The following PPP2R5C variants were observed in gnomAD, a reference collection of about 807,000 sequenced individuals.
PPP2R5C encodes the protein serine/threonine-protein phosphatase 2A 56 kDa regulatory subunit gamma isoform.
In PPP2R5C, 7 loss-of-function variants were observed where a neutral mutation model predicts 68.9. That is an observed-to-expected ratio of 0.10 (90% CI 0.06 to 0.19). The LOEUF (loss-of-function observed/expected upper bound fraction) is 0.19. PPP2R5C is among the 10% of genes least tolerant of loss of function. PPP2R5C has a pLI of 1.00. For missense variants in PPP2R5C, 348 were observed against 641.3 expected, an observed-to-expected ratio of 0.54 and a Z score of 4.94; for synonymous variants, 210 against 222.2, an observed-to-expected ratio of 0.95 and a Z score of 0.49.
chr14:101,925,092 TTTC>T (rs2047224493), intron 13 of PPP2R5C, 46 bp from the exon 16 acceptor site: 1 of 1,598,782 alleles, frequency 6.3e-7, no homozygotes, highest in Non-Finnish European at 8.6e-7. Flanking sequence ...TAAGCTTGCT[TTTC>T]AGATAGCTTA....
intron 2 of PPP2R5C, among the ~76,000 whole-genome samples, chr14:101,772,152 C>T (rs1352990559): frequency 1.3e-5 from 2 of 151,892 alleles, no homozygotes; most frequent in Admixed American, 1.3e-4. Context: ...TATTTTGTTA[C>T]CTATCAATCT....
chr14:101,880,748 G>A (rs767828840), intron 2 of PPP2R5C, among the ~76,000 whole-genome samples: 4 of 152,254 alleles, frequency 2.6e-5, no homozygotes, highest in Middle Eastern at 3.4e-3. Flanking sequence ...AGTGAGCGAT[G>A]ATGGCCACTG....
chr14:101,795,087 CGTTTATTATTTCATTCTGTGGATA>C (rs1388595348), intron 3 of PPP2R5C, among the ~76,000 whole-genome samples: 1 of 152,106 alleles, frequency 6.6e-6, no homozygotes, highest in African/African-American at 2.4e-5. Context: ...TTTTAGCAAC[CGTTTATTATTTCATTCTGTGGATA>C]CCCCAGTTTT....
chr14:101,846,715 T>C (rs1451532584), intron 1 of PPP2R5C, among the ~76,000 whole-genome samples: 3 of 152,140 alleles, frequency 2.0e-5, no homozygotes, highest in Non-Finnish European at 4.4e-5. Context: ...AGAGCTTGTG[T>C]GTCGGGTTTG....
intron 2 of PPP2R5C, among the ~76,000 whole-genome samples, chr14:101,876,789 A>G (rs1595445144): frequency 6.6e-6 from 1 of 152,162 alleles, no homozygotes; most frequent in African/African-American, 2.4e-5. Context: ...CATTATTTTC[A>G]TGTGGAGGTC....
rs115355632 is a variant in PPP2R5C at position 101,824,005 on chromosome 14, T to C, written c.94+13969T>C. On this transcript the variant is annotated intron_variant, in intron 1 of 13. Transcript: ENST00000334743. The stretch of plus-strand genomic sequence containing the variant: ...ATTAACTTATCTGAGCCTTACATTG[T>C]CTCACTAGGCACAGTGCCCACTTGT... 1.9e-3 allele frequency: 2,486 copies of C among 1,289,176 alleles called. 42 individuals are homozygous for C. The African/African-American group carries it at 0.034, about 18-fold the overall frequency. The allele number at this position is 1,289,176 out of a possible 1,614,324, so 79.9% of individuals were successfully genotyped here.
At chr14:101,810,108 TAAG>T in intron 1 of PPP2R5C, 1 of 1,397,390 alleles carries the variant, frequency 7.2e-7, no homozygotes, top group Non-Finnish European at 1.0e-6. Flanking sequence ...GTGCTTCAGA[TAAG>T]AAAAGCAGGA....
intron 2 of PPP2R5C, among the ~76,000 whole-genome samples, chr14:101,862,914 G>T (rs1437606877): frequency 6.6e-6 from 1 of 151,138 alleles, no homozygotes; most frequent in African/African-American, 2.4e-5. Flanking sequence ...CAAACTCCTG[G>T]GCTCAAGCAA....
intron 8 of PPP2R5C, among the ~76,000 whole-genome samples, chr14:101,896,504 C>T (rs867484625): frequency 4.6e-5 from 7 of 151,562 alleles, no homozygotes; most frequent in African/African-American, 1.7e-4. Context: ...GAGGCTGAGG[C>T]GGGTGAATCA....
At chr14:101,860,251 C>T (rs1362982722) in intron 2 of PPP2R5C, among the ~76,000 whole-genome samples, 1 of 152,162 alleles carries the variant, frequency 6.6e-6, no homozygotes, top group Non-Finnish European at 1.5e-5. Flanking sequence ...CTGTTCATCT[C>T]TATGGATTTG....
chr14:101,838,779 C>T lies in PPP2R5C; in HGVS notation c.95-17907C>T, dbSNP rs568500218. Among the ~76,000 whole-genome samples, 16 of 152,350 alleles carry T rather than the reference C, an allele frequency of 1.1e-4. No individual in the cohort carries two copies. The South Asian group carries it at 1.5e-3, about 14-fold the overall frequency. On this transcript the variant is annotated intron_variant, in intron 1 of 13. Coordinates refer to ENST00000334743, the Ensembl canonical transcript of PPP2R5C. ...ACTATTTTGGCTGGGCATGGTGGCT[C>T]ATGCCTGTAATCCCAGCACTCTGGG...
chr14:101,810,541 T>C (rs2140188219), intron 1 of PPP2R5C, among the ~76,000 whole-genome samples: 1 of 152,352 alleles, frequency 6.6e-6, no homozygotes, highest in African/African-American at 2.4e-5. Context: ...AAAGGATTGT[T>C]TTCATTCTTG....
intron 2 of PPP2R5C, among the ~76,000 whole-genome samples, chr14:101,779,683 G>A (rs542427347): frequency 2.7e-4 from 41 of 152,200 alleles, no homozygotes; most frequent in African/African-American, 7.9e-4. Context: ...CCCATGCTAC[G>A]GAGTTTGAAC....
chr14:101,923,165 T>G lies in PPP2R5C; in HGVS notation c.1444-1976T>G, dbSNP rs1320360016. ...CTCCCTGCCTGCTGCTGCTCTCATT[T>G]TTTTGCCTTGTGGATGGTAAAATTA... On this transcript the variant is annotated intron_variant, in intron 13 of 13. Transcript: ENST00000334743. Among the ~76,000 whole-genome samples, 5 of 152,340 alleles carry G rather than the reference T, an allele frequency of 3.3e-5. No homozygotes were observed. The East Asian group carries it at 9.6e-4, about 29-fold the overall frequency.
intron 1 of PPP2R5C, among the ~76,000 whole-genome samples, chr14:101,817,147 A>G (rs573041739): frequency 1.5e-4 from 23 of 151,692 alleles, no homozygotes; most frequent in Admixed American, 6.6e-5. Context: ...TAATAGAGAT[A>G]GGGTTTCACC....
At chr14:101,824,294 A>G (rs1276737765) in intron 1 of PPP2R5C, 2 of 858,274 alleles carry the variant, frequency 2.3e-6, no homozygotes, top group South Asian at 1.8e-5. Context: ...TAGGAGAGAG[A>G]GGTATTCATC....
At chr14:101,845,116 C>T (rs2041744569) in intron 1 of PPP2R5C, among the ~76,000 whole-genome samples, 1 of 150,390 alleles carries the variant, frequency 6.6e-6, no homozygotes, top group Admixed American at 6.7e-5. Context: ...GTTTGTTTGA[C>T]CTGTCTCAAC....
chr14:101,922,037 C>T (rs893171706), intron 13 of PPP2R5C: 8 of 985,062 alleles, frequency 8.1e-6, no homozygotes, highest in South Asian at 9.4e-5. Flanking sequence ...TGTAGAGAGA[C>T]GGAAGGTGGG....
intron 8 of PPP2R5C, among the ~76,000 whole-genome samples, chr14:101,897,447 C>T (rs2045407750): frequency 6.7e-6 from 1 of 149,958 alleles, no homozygotes; most frequent in South Asian, 2.1e-4. Context: ...TCACCCAGGT[C>T]CCACAATAGC....
Sources: allele counts gnomAD v4.1 joint callset (sites outside exome capture counted in the v4.1 genomes callset), GRCh38; gene constraint gnomAD v4.1.1; transcripts MANE v1.5; gene names NCBI Gene and HGNC (gene_info 2026-07-23, HGNC 2026-07-21).